Variants in SLC16A10 observed in about 807,000 individuals in gnomAD.
The protein encoded by SLC16A10 is monocarboxylate transporter 10.
SLC16A10 carries 27 observed loss-of-function variants against 40.0 expected under a neutral mutation model. That is an observed-to-expected ratio of 0.67 (90% CI 0.50 to 0.93). The LOEUF is 0.93. SLC16A10 is among the 40% of genes least tolerant of loss of function. The pLI is 0.00. For missense variants in SLC16A10, 529 were observed against 658.2 expected (o/e 0.80, Z 2.15); for synonymous variants, 213 against 249.8 (o/e 0.85, Z 1.39).
intron 1 of SLC16A10, among the ~76,000 whole-genome samples, chr6:111,091,806 A>G (rs1583297431): frequency 6.6e-6 from 1 of 152,358 alleles, no homozygotes; most frequent in Admixed American, 6.5e-5. Flanking sequence ...GAGTTTACAC[A>G]TCTTACTGTT....
Position 111,177,517 on chromosome 6 carries a change from G to C in SLC16A10, c.794G>C (p.Gly265Ala). Reference sequence around the variant, plus strand: ...AGTACCAAAGATAAAGAGAGTGGAGGTAGCGGATCCTCCCTCTTTTCCAGG... The same window carrying C: ...AGTACCAAAGATAAAGAGAGTGGAGCTAGCGGATCCTCCCTCTTTTCCAGG... ...ATSTKDKESG[G>A]SGSSLFSRKK... The change falls in exon 3 of 6, where the codon GGT becomes GCT. Residue 265 changes from glycine (G) to alanine (A), a missense_variant. Physicochemically the swap from Gly to Ala is moderately conservative, Grantham distance 60. Transcript: ENST00000368851. The C allele has an allele frequency of 6.2e-7, 1 of 1,614,004 alleles. No homozygotes were observed. The highest frequency in any genetic ancestry group is 8.5e-7 in the Non-Finnish European group (1 of 1,179,982).
Position 111,206,754 on chromosome 6 carries a change from T to G in SLC16A10, c.1086+19T>G. On this transcript the variant is annotated intron_variant, in intron 4 of 5. Coordinates refer to ENST00000368851, the MANE Select transcript of SLC16A10 (RefSeq NM_018593.5). ...TCTACAGGTACTTTTTTACACCTTT[T>G]TTCCCCTATCAAAAATTACTCTCAT... 1 of 1,606,248 alleles carries G rather than the reference T, an allele frequency of 6.2e-7. No homozygotes were observed. The highest frequency in any genetic ancestry group is 8.5e-7 in the Non-Finnish European group (1 of 1,177,864).
intron 1 of SLC16A10, among the ~76,000 whole-genome samples, chr6:111,090,334 A>C (rs1472098023): frequency 6.6e-6 from 1 of 152,164 alleles, no homozygotes; most frequent in Non-Finnish European, 1.5e-5. Flanking sequence ...AGGGTGCCCA[A>C]CTCAGGGGTA....
intron 3 of SLC16A10, among the ~76,000 whole-genome samples, chr6:111,198,205 T>C (rs1250011973): frequency 1.3e-5 from 2 of 152,166 alleles, no homozygotes; most frequent in Non-Finnish European, 2.9e-5. Flanking sequence ...GAAGCTCTCT[T>C]GAACCCGTGG....
At chr6:111,203,719 C>CAAATAAAT (rs60881476) in intron 3 of SLC16A10, among the ~76,000 whole-genome samples, 22,579 of 137,940 alleles carry the variant, frequency 0.16, 2,093 homozygotes, top group African/African-American at 0.23. Context: ...AACCCCATCT[C>CAAATAAAT]AAATAAATAA....
At chr6:111,131,469 C>T (rs1157334185) in intron 1 of SLC16A10, among the ~76,000 whole-genome samples, 1 of 152,176 alleles carries the variant, frequency 6.6e-6, no homozygotes, top group Non-Finnish European at 1.5e-5. Context: ...ACAAGGACCC[C>T]CCGGTAACAT....
At chr6:111,133,727 C>A (rs1366408627) in intron 1 of SLC16A10, among the ~76,000 whole-genome samples, 1 of 152,132 alleles carries the variant, frequency 6.6e-6, no homozygotes, top group Non-Finnish European at 1.5e-5. Flanking sequence ...CTGACTCCTT[C>A]CCCAACTAAT....
In SLC16A10 at chr6:111,163,448, G is replaced by A. The variant is rs377458384; in HGVS notation, c.344-9247G>A. Among the ~76,000 whole-genome samples the A allele has an allele frequency of 9.9e-5, 15 of 152,214 alleles. 1 individual carries two copies. The South Asian group carries it at 1.9e-3, about 19-fold the overall frequency. ...ATTACAGGCGTGAGCCACCGCACCC[G>A]GCAACATAATAATTTTAATTACGAT... On this transcript the variant is annotated intron_variant, in intron 1 of 5. Transcript: ENST00000368851.
At chr6:111,199,605 A>G (rs1475840786) in intron 3 of SLC16A10, among the ~76,000 whole-genome samples, 1 of 152,212 alleles carries the variant, frequency 6.6e-6, no homozygotes, top group Non-Finnish European at 1.5e-5. Context: ...GAGCCACTAA[A>G]TAATTTCAAA....
At chr6:111,193,389 C>A (rs1343354364) in intron 3 of SLC16A10, 5 of 875,138 alleles carry the variant, frequency 5.7e-6, no homozygotes, top group Non-Finnish European at 6.9e-6. Flanking sequence ...CATTCTCCTA[C>A]TTGAGATGAA....
At position 111,223,669 on chromosome 6, in the gene SLC16A10, C is replaced by A. The variant is rs1770942415; in HGVS notation, c.*1434C>A. 6.6e-6 allele frequency: 1 copy of A among 152,108 alleles called. No homozygotes were observed. The highest frequency in any genetic ancestry group is 1.5e-5 in the Non-Finnish European group (1 of 68,026). 9.4% of individuals were successfully genotyped at this position (152,108 alleles called of 1,614,324 possible). On this transcript the variant is annotated 3_prime_UTR_variant, in exon 6 of 6. Coordinates refer to ENST00000368851, the MANE Select transcript of SLC16A10 (RefSeq NM_018593.5). ...AAAATCTACATTTTGACCATACTAC[C>A]CTTTCATGTCCTTATTATAAGCTTT...
intron 1 of SLC16A10, among the ~76,000 whole-genome samples, chr6:111,097,162 A>G (rs1360924311): frequency 6.6e-6 from 1 of 152,014 alleles, no homozygotes; most frequent in Non-Finnish European, 1.5e-5. Flanking sequence ...CCTCTTGATA[A>G]ACATAAAAGT....
intron 1 of SLC16A10, among the ~76,000 whole-genome samples, chr6:111,096,104 T>C (rs906898538): frequency 2.0e-5 from 3 of 152,198 alleles, no homozygotes; most frequent in African/African-American, 7.2e-5. Context: ...TGGAAAAAAG[T>C]TGTACTTATG....
rs1178860727 is a variant in SLC16A10, at chr6:111,147,312, TGA to T, written c.344-25382_344-25381del. Among the ~76,000 whole-genome samples, 389 of 152,344 alleles carry T rather than the reference TGA, an allele frequency of 2.6e-3. 2 individuals carry two copies. The highest frequency in any genetic ancestry group is 8.9e-3 in the African/African-American group (368 of 41,578). Reference sequence around the variant, plus strand: ...AATATAAAGTATTTATAGCCAAATTTGATTTACTTCTAAAATGTCTTATTAAA... The same window carrying T: ...AATATAAAGTATTTATAGCCAAATTTTTTACTTCTAAAATGTCTTATTAAA... On this transcript the variant is annotated intron_variant, in intron 1 of 5. Transcript: ENST00000368851.
intron 1 of SLC16A10, among the ~76,000 whole-genome samples, chr6:111,157,407 C>T (rs1259422521): frequency 1.3e-5 from 2 of 152,064 alleles, no homozygotes; most frequent in East Asian, 3.8e-4. Flanking sequence ...CCTCAGCCTC[C>T]TGAGTAGCTG....
At chr6:111,115,602 TTA>T (rs1273305005) in intron 1 of SLC16A10, among the ~76,000 whole-genome samples, 46 of 152,366 alleles carry the variant, frequency 3.0e-4, no homozygotes, top group African/African-American at 9.4e-4. Flanking sequence ...AATGTTTCCA[TTA>T]TATGTTTCTT....
At chr6:111,174,139 C>T (rs1005699564) in intron 2 of SLC16A10, among the ~76,000 whole-genome samples, 1 of 152,198 alleles carries the variant, frequency 6.6e-6, no homozygotes, top group Non-Finnish European at 1.5e-5. Flanking sequence ...CTCTGGCTAA[C>T]AGGAGGTGAT....
At chr6:111,093,292 T>A (rs1224802406) in intron 1 of SLC16A10, among the ~76,000 whole-genome samples, 1 of 152,112 alleles carries the variant, frequency 6.6e-6, no homozygotes, top group East Asian at 1.9e-4. Context: ...GAAAGGGAGG[T>A]TCTTTGGCTA....
Position 111,172,857 on chromosome 6 carries a change from T to C in SLC16A10, c.488+18T>C. On this transcript the variant is annotated intron_variant, in intron 2 of 5. Coordinates refer to ENST00000368851, the MANE Select transcript of SLC16A10 (RefSeq NM_018593.5). ...TTTGTAAGGTAAGGACTTGGTTTTT[T>C]CATGTTGCTTTTTAAAAACTGTTAG... The C allele has an allele frequency of 2.5e-6, 4 of 1,608,162 alleles. No homozygotes were observed. The highest frequency in any genetic ancestry group is 3.4e-6 in the Non-Finnish European group (4 of 1,176,620).
Sources: gnomAD v4.1 joint callset for allele counts (sites outside exome capture counted in the v4.1 genomes callset) on GRCh38, gnomAD v4.1.1 for gene constraint, MANE v1.5 for transcripts, NCBI Gene and HGNC (gene_info 2026-07-23, HGNC 2026-07-21) for gene names.